PGM1: variants seen among roughly 807,000 people sequenced by gnomAD.
PGM1 encodes phosphoglucomutase-1.
A neutral mutation model predicts 55.6 loss-of-function variants in PGM1; 52 were observed. That is an observed-to-expected ratio of 0.94 (90% CI 0.75 to 1.18). The LOEUF (loss-of-function observed/expected upper bound fraction) is 1.18. Ranked by LOEUF, PGM1 falls within the 50% of genes most tolerant of loss-of-function variation. The pLI is 0.00. For synonymous variants in PGM1, 287 were observed against 271.7 expected (o/e 1.06, Z -0.55); for missense variants, 724 against 729.3 (o/e 0.99, Z 0.08).
chr1:63,659,484 G>T (rs1650058395), intron 10 of PGM1, 102 bp from the exon 11 acceptor site: 3 of 900,336 alleles, frequency 3.3e-6, no homozygotes. Flanking sequence ...AGTTTGAGGA[G>T]CCTTGGAGAC....
Position 63,648,504 on chromosome 1 carries a change from G to A in PGM1, c.1145-13G>A. The stretch of plus-strand genomic sequence containing the variant: ...AGCACGTTTCTTACAGCAGCTTGCT[G>A]TCCCCCCTCCAGGTTCTGACCACAT... On this transcript the variant is annotated splice_polypyrimidine_tract_variant and intron_variant, in intron 7 of 10. Coordinates refer to ENST00000371084, the MANE Select transcript of PGM1 (RefSeq NM_002633.3). The A allele has an allele frequency of 1.2e-6, 2 of 1,614,026 alleles. No individual in the cohort carries two copies. The highest frequency in any genetic ancestry group is 1.7e-6 in the Non-Finnish European group (2 of 1,179,970).
At chr1:63,651,020 C>G (rs1649792475) in intron 8 of PGM1, among the ~76,000 whole-genome samples, 1 of 151,936 alleles carries the variant, frequency 6.6e-6, no homozygotes, top group Non-Finnish European at 1.5e-5. Flanking sequence ...GCACATTTAC[C>G]TATATAACAA....
chr1:63,599,714 C>G (rs1648183366), intron 1 of PGM1, among the ~76,000 whole-genome samples: 2 of 152,118 alleles, frequency 1.3e-5, no homozygotes, highest in South Asian at 2.1e-4. Flanking sequence ...CACATTCACC[C>G]TGTGAGGTCA....
intron 1 of PGM1, among the ~76,000 whole-genome samples, chr1:63,620,409 A>C (rs1314016143): frequency 6.6e-6 from 1 of 152,146 alleles, no homozygotes; most frequent in Non-Finnish European, 1.5e-5. Flanking sequence ...TGCTGCTTTA[A>C]GCCAAATTTC....
chr1:63,641,221 G>A (rs933229166), intron 7 of PGM1, among the ~76,000 whole-genome samples: 1 of 152,074 alleles, frequency 6.6e-6, no homozygotes, highest in Admixed American at 6.5e-5. Context: ...CTTCTCCTTG[G>A]TATATTTCAT....
chr1:63,630,928 C>T (rs1191717979), intron 3 of PGM1, among the ~76,000 whole-genome samples: 13 of 152,108 alleles, frequency 8.5e-5, no homozygotes, highest in Admixed American at 7.9e-4. Context: ...ACAATTGCAT[C>T]CTAACAAAGA....
Position 63,641,418 on chromosome 1 carries a change from T to TAAGA in PGM1, c.1144+2618_1144+2619insAAGA, listed in dbSNP as rs1649514023. ...GGCTTATTTAACTGAACTCCTGATC[T>TAAGA]TCTTATTTATAGAGGAGTTAATTTT... On this transcript the variant is annotated intron_variant, in intron 7 of 10. Coordinates refer to ENST00000371084, the MANE Select transcript of PGM1 (RefSeq NM_002633.3). Among the ~76,000 whole-genome samples, 19 of 152,314 alleles carry TAAGA rather than the reference T, an allele frequency of 1.2e-4. No individual in the cohort carries two copies. The South Asian group carries it at 3.9e-3, about 32-fold the overall frequency.
chr1:63,644,764 A>T (rs1350578813), intron 7 of PGM1, among the ~76,000 whole-genome samples: 1 of 152,196 alleles, frequency 6.6e-6, no homozygotes. Context: ...AGAAAATGTG[A>T]TTTGTCCAAA....
At chr1:63,594,788 CAAAAA>C (rs34661751) in intron 1 of PGM1, among the ~76,000 whole-genome samples, 2,563 of 90,520 alleles carry the variant, frequency 0.028, 92 homozygotes, top group African/African-American at 0.1. Context: ...CTAAAAAATA[CAAAAA>C]AAAAAAAAAA....
In PGM1 at chr1:63,611,989, C is replaced by T. The variant is rs146135170; in HGVS notation, c.247-17436C>T. ...ATCAGGAGCTGGACGTGGTGGCTCA[C>T]GCCTGGCCTGTAATCCTAGCACTTT... On this transcript the variant is annotated intron_variant, in intron 1 of 10. Transcript: ENST00000371084. Among the ~76,000 whole-genome samples, 23 of 152,164 alleles carry T rather than the reference C, an allele frequency of 1.5e-4. No homozygotes were observed. In the East Asian group the frequency reaches 3.9e-3, roughly 26 times the overall value.
At chr1:63,630,229 A>T (rs1649158508) in intron 3 of PGM1, 141 bp downstream of exon 3, 2 of 907,300 alleles carry the variant, frequency 2.2e-6, no homozygotes, top group South Asian at 2.8e-5. Flanking sequence ...TAGTTAATTA[A>T]CAAGTCTGGA....
intron 7 of PGM1, among the ~76,000 whole-genome samples, chr1:63,647,256 TTACATATATA>T (rs1425131435): frequency 9.7e-5 from 5 of 51,604 alleles, no homozygotes; most frequent in African/African-American, 1.8e-4. Flanking sequence ...AAATAAAATT[TTACATATATA>T]TATATATATA....
intron 9 of PGM1, among the ~76,000 whole-genome samples, chr1:63,652,357 G>A (rs186031230): frequency 4.7e-4 from 71 of 152,254 alleles, no homozygotes; most frequent in Admixed American, 8.5e-4. Context: ...GTTGACCATC[G>A]TCATTCGCAG....
Position 63,638,636 on chromosome 1 carries a change from C to T in PGM1, c.1029-49C>T, listed in dbSNP as rs11581836. On this transcript the variant is annotated intron_variant, in intron 6 of 10. Coordinates refer to ENST00000371084, the MANE Select transcript of PGM1 (RefSeq NM_002633.3). ...TGCCCTTTTCCGTCCCTCACATGGC[C>T]ACGCTAACAGTCCTGCTGTGATGTA... 41,356 of 1,241,924 alleles carry T rather than the reference C, an allele frequency of 0.033. 1,277 individuals carry two copies. The highest frequency in any genetic ancestry group is 0.13 in the African/African-American group (8,871 of 67,812). 76.9% of individuals were successfully genotyped at this position (1,241,924 alleles called of 1,614,324 possible).
chr1:63,602,150 A>G (rs1479254685), intron 1 of PGM1, among the ~76,000 whole-genome samples: 2 of 152,152 alleles, frequency 1.3e-5, no homozygotes. Flanking sequence ...TCCCAGAGCA[A>G]GTAGTTCTGG....
Position 63,627,973 on chromosome 1 carries a change from C to T in PGM1, c.247-1452C>T, listed in dbSNP as rs181050388. 3.9e-4 allele frequency among the ~76,000 whole-genome samples: 59 copies of T among 152,284 alleles called. 2 individuals are homozygous for T. In the South Asian group the frequency reaches 0.011, roughly 29 times the overall value. On this transcript the variant is annotated intron_variant, in intron 1 of 10. Transcript: ENST00000371084. ...CTGTGTGGCCTTGTCGTGTCATCTA[C>T]GCCAGTGTCTGCCATAGTACCTTTC... is the stretch of plus-strand genomic sequence containing the variant.
chr1:63,635,502 A>G (rs1649339456), intron 5 of PGM1, among the ~76,000 whole-genome samples: 1 of 152,240 alleles, frequency 6.6e-6, no homozygotes. Context: ...TACCATTAAA[A>G]TGTTTAGAAA....
At chr1:63,609,466 C>T (rs1648509704) in intron 1 of PGM1, among the ~76,000 whole-genome samples, 1 of 152,178 alleles carries the variant, frequency 6.6e-6, no homozygotes. Flanking sequence ...GCTTAGGGTG[C>T]TCATGCTGGT....
chr1:63,598,567 G>T (rs1648147007), intron 1 of PGM1, among the ~76,000 whole-genome samples: 1 of 152,144 alleles, frequency 6.6e-6, no homozygotes, highest in South Asian at 2.1e-4. Context: ...GGTAGTAGTA[G>T]TAATAGTAGC....
Sources: gnomAD v4.1 joint callset for allele counts (sites outside exome capture counted in the v4.1 genomes callset) on GRCh38, gnomAD v4.1.1 for gene constraint, MANE v1.5 for transcripts, NCBI Gene and HGNC (gene_info 2026-07-23, HGNC 2026-07-21) for gene names.